Variants in NKAIN3 observed in about 807,000 individuals in gnomAD.
NKAIN3 encodes sodium/potassium transporting ATPase interacting 3, also known as sodium/potassium-transporting ATPase subunit beta-1-interacting protein 3.
NKAIN3 carries 25 observed loss-of-function variants against 30.2 expected under a neutral mutation model. The ratio of observed to expected loss-of-function variants is 0.83; its 90% confidence interval spans 0.60 to 1.16. The LOEUF (loss-of-function observed/expected upper bound fraction) is 1.16. NKAIN3 is among the 50% of genes most tolerant of loss of function. NKAIN3 has a pLI of 0.00. For synonymous variants in NKAIN3, 91 were observed against 89.6 expected, an observed-to-expected ratio of 1.02 and a Z score of -0.09; for missense variants, 225 against 254.1, an observed-to-expected ratio of 0.89 and a Z score of 0.78.
At chr8:62,591,292 C>T (rs528797565) in intron 3 of NKAIN3, among the ~76,000 whole-genome samples, 1 of 151,930 alleles carries the variant, frequency 6.6e-6, no homozygotes, top group East Asian at 1.9e-4. Context: ...AGTCTTGAGT[C>T]CAAATCTGGT....
intron 6 of NKAIN3, among the ~76,000 whole-genome samples, chr8:62,956,905 C>T (rs981332375): frequency 2.6e-5 from 4 of 152,178 alleles, no homozygotes; most frequent in African/African-American, 7.2e-5. Flanking sequence ...GGTTAACTCT[C>T]GCTTAGCGAG....
chr8:62,615,657 G>T (rs1289792257), intron 3 of NKAIN3, among the ~76,000 whole-genome samples: 2 of 152,186 alleles, frequency 1.3e-5, no homozygotes, highest in Non-Finnish European at 2.9e-5. Context: ...CTGACCTGTG[G>T]CATCTGCAAT....
At chr8:62,637,855 G>A (rs569183586) in intron 3 of NKAIN3, among the ~76,000 whole-genome samples, 21 of 152,188 alleles carry the variant, frequency 1.4e-4, no homozygotes, top group African/African-American at 4.6e-4. Flanking sequence ...GGTTCCACAA[G>A]GTGAGATATG....
chr8:62,822,385 C>T (rs1818874992), intron 4 of NKAIN3, among the ~76,000 whole-genome samples: 1 of 152,188 alleles, frequency 6.6e-6, no homozygotes, highest in South Asian at 2.1e-4. Flanking sequence ...AAATTATGTA[C>T]TAATCAATTT....
intron 1 of NKAIN3, among the ~76,000 whole-genome samples, chr8:62,486,529 T>A (rs1272875847): frequency 1.3e-5 from 2 of 152,142 alleles, no homozygotes; most frequent in Non-Finnish European, 2.9e-5. Flanking sequence ...GGATGTAAGT[T>A]TTATGTCTGG....
At chr8:62,771,763 T>G (rs1306580361) in intron 4 of NKAIN3, among the ~76,000 whole-genome samples, 1 of 152,168 alleles carries the variant, frequency 6.6e-6, no homozygotes, top group Non-Finnish European at 1.5e-5. Flanking sequence ...AAATTCTTTT[T>G]TATTTTTTAT....
intron 1 of NKAIN3, among the ~76,000 whole-genome samples, chr8:62,514,266 C>CT (rs1554541747): frequency 7.1e-4 from 108 of 151,524 alleles, no homozygotes; most frequent in African/African-American, 2.2e-3. Flanking sequence ...TATAGATACT[C>CT]GTTTTTTTTA....
rs576084103 is a variant in NKAIN3 at position 62,351,119 on chromosome 8, A to G, written c.54+101992A>G. Among the ~76,000 whole-genome samples the G allele has an allele frequency of 4.2e-3, 633 of 149,002 alleles. 2 individuals carry two copies. The highest frequency in any genetic ancestry group is 0.014 in the African/African-American group (588 of 40,988). ...GTATAAATATATAATATATATTAAC[A>G]TATATACTATAAAAAGTTATGTAAA... On this transcript the variant is annotated intron_variant, in intron 1 of 6. Coordinates refer to ENST00000623646, the MANE Select transcript of NKAIN3 (RefSeq NM_001304533.3).
intron 1 of NKAIN3, among the ~76,000 whole-genome samples, chr8:62,529,827 G>A (rs931253195): frequency 6.6e-6 from 1 of 152,158 alleles, no homozygotes; most frequent in Non-Finnish European, 1.5e-5. Context: ...TACCCATGAA[G>A]AAAATGAGCA....
chr8:62,698,301 T>A (rs900804553), intron 3 of NKAIN3, among the ~76,000 whole-genome samples: 1 of 152,198 alleles, frequency 6.6e-6, no homozygotes, highest in Non-Finnish European at 1.5e-5. Flanking sequence ...TGAAGACAGT[T>A]GTCATGTCCC....
chr8:62,514,467 T>A (rs572533449), intron 1 of NKAIN3, among the ~76,000 whole-genome samples: 23 of 152,158 alleles, frequency 1.5e-4, no homozygotes, highest in Non-Finnish European at 3.1e-4. Context: ...GAAACAGTAA[T>A]TGTAAAATAT....
In NKAIN3 at chr8:62,249,091, A is replaced by T. The variant is rs1811993406; in HGVS notation, c.18A>T (p.Gly6=). The part of the protein sequence containing the change: MGCCT[G]RCSLICLCAL... ...CCGGCACCATGGGCTGCTGCACCGG[A>T]CGCTGCTCGCTCATCTGCCTCTGCG... Residue 6 remains glycine (G), a synonymous_variant, in exon 1 of 7, where the codon GGA becomes GGT. Transcript: ENST00000623646. 2 of 1,539,116 alleles carry T rather than the reference A, an allele frequency of 1.3e-6. No homozygotes were observed. Among genetic ancestry groups the T allele is most frequent in the East Asian group, 5.0e-5 (2 of 39,834 alleles).
At chr8:62,397,490 A>G (rs991800948) in intron 1 of NKAIN3, among the ~76,000 whole-genome samples, 5 of 152,186 alleles carry the variant, frequency 3.3e-5, no homozygotes, top group East Asian at 1.9e-4. Context: ...TATGCAATTT[A>G]CAGGGAGGAC....
At chr8:62,294,032 G>A (rs932685041) in intron 1 of NKAIN3, among the ~76,000 whole-genome samples, 11 of 152,172 alleles carry the variant, frequency 7.2e-5, no homozygotes, top group African/African-American at 1.9e-4. Context: ...GGGACCCTTC[G>A]AGTCAGGCAC....
intron 4 of NKAIN3, among the ~76,000 whole-genome samples, chr8:62,764,155 AC>A (rs931793014): frequency 2.6e-5 from 4 of 152,108 alleles, no homozygotes; most frequent in African/African-American, 9.7e-5. Context: ...ATCAAGAGGA[AC>A]TTTAAAATGG....
At chr8:62,520,925 A>G (rs1036744071) in intron 1 of NKAIN3, among the ~76,000 whole-genome samples, 12 of 151,544 alleles carry the variant, frequency 7.9e-5, no homozygotes, top group Non-Finnish European at 1.6e-4. Flanking sequence ...AATATGATTC[A>G]CCAGGAAGTA....
At chr8:62,478,968 C>T (rs1000362641) in intron 1 of NKAIN3, among the ~76,000 whole-genome samples, 5 of 152,140 alleles carry the variant, frequency 3.3e-5, no homozygotes, top group African/African-American at 9.7e-5. Flanking sequence ...GTAGAGCTCT[C>T]AGCATAAAGC....
chr8:62,479,721 G>A (rs1806650258), intron 1 of NKAIN3, among the ~76,000 whole-genome samples: 1 of 152,144 alleles, frequency 6.6e-6, no homozygotes, highest in African/African-American at 2.4e-5. Flanking sequence ...CTGTGATCCT[G>A]AGGATCACGG....
chr8:62,851,423 C>G (rs1175751478), intron 4 of NKAIN3, among the ~76,000 whole-genome samples: 4 of 152,166 alleles, frequency 2.6e-5, no homozygotes, highest in African/African-American at 9.7e-5. Flanking sequence ...TTGACTTCCT[C>G]TTTTCCTAAT....
Sources: gnomAD v4.1 joint callset for allele counts (sites outside exome capture counted in the v4.1 genomes callset) on GRCh38, gnomAD v4.1.1 for gene constraint, MANE v1.5 for transcripts, NCBI Gene and HGNC (gene_info 2026-07-23, HGNC 2026-07-21) for gene names.